Variants in MECOM observed in about 807,000 individuals in gnomAD.
MECOM encodes histone-lysine N-methyltransferase MECOM.
Under a neutral mutation model 116.3 loss-of-function variants are expected in MECOM, and 13 were observed. The observed-to-expected ratio is 0.11, with a 90% CI of 0.07 to 0.18. MECOM has a LOEUF of 0.18. MECOM is among the 10% of genes least tolerant of loss of function. The pLI is 1.00. For missense variants in MECOM, 1,299 were observed against 1,509.0 expected (o/e 0.86, Z 2.31); for synonymous variants, 528 against 535.2 (o/e 0.99, Z 0.19).
At chr3:169,509,833 T>A (rs1755739828) in intron 1 of MECOM, among the ~76,000 whole-genome samples, 2 of 152,210 alleles carry the variant, frequency 1.3e-5, no homozygotes, top group African/African-American at 4.8e-5. Context: ...GTGTAGAGTA[T>A]CCGTTTGAGT....
At chr3:169,355,834 T>G (rs563472245) in intron 2 of MECOM, among the ~76,000 whole-genome samples, 1 of 149,290 alleles carries the variant, frequency 6.7e-6, no homozygotes, top group African/African-American at 2.5e-5. Flanking sequence ...AATATCATCT[T>G]TTTTTTTTCC....
At position 169,318,456 on chromosome 3, in the gene MECOM, A is replaced by C. The variant is rs560826356; in HGVS notation, c.375+62731T>G. On this transcript the variant is annotated intron_variant, in intron 2 of 16. Transcript: ENST00000651503. ...AACAACCCCATCAAAAAGTGGGTGAAGGATATGAACAGACACTTCTCAAAA... is the reference window on the plus strand; with the variant it reads ...AACAACCCCATCAAAAAGTGGGTGACGGATATGAACAGACACTTCTCAAAA... Among the ~76,000 whole-genome samples, 18 of 152,340 alleles carry C rather than the reference A, an allele frequency of 1.2e-4. No individual in the cohort carries two copies. The South Asian group carries it at 3.7e-3, about 32-fold the overall frequency.
At chr3:169,587,964 A>C (rs951192990) in intron 1 of MECOM, among the ~76,000 whole-genome samples, 1 of 152,156 alleles carries the variant, frequency 6.6e-6, no homozygotes, top group Non-Finnish European at 1.5e-5. Flanking sequence ...ATATGCATAA[A>C]CTCCATACAG....
intron 2 of MECOM, among the ~76,000 whole-genome samples, chr3:169,374,189 C>A (rs1730631194): frequency 6.6e-6 from 1 of 151,716 alleles, no homozygotes; most frequent in African/African-American, 2.4e-5. Flanking sequence ...TGCTTATGCA[C>A]ACCAAAGAAA....
At chr3:169,420,444 G>T (rs376178374) in intron 1 of MECOM, among the ~76,000 whole-genome samples, 5 of 152,098 alleles carry the variant, frequency 3.3e-5, no homozygotes, top group East Asian at 1.9e-4. Context: ...AAGAACCCAT[G>T]GATCTGAAAT....
At chr3:169,172,407 A>ATATG (rs1744563953) in intron 2 of MECOM, among the ~76,000 whole-genome samples, 1 of 144,374 alleles carries the variant, frequency 6.9e-6, no homozygotes, top group Admixed American at 7.0e-5. Flanking sequence ...GTACCCTTGT[A>ATATG]TGTGTGTGTG....
intron 2 of MECOM, among the ~76,000 whole-genome samples, chr3:169,231,811 G>A (rs1040485001): frequency 2.0e-5 from 3 of 151,928 alleles, no homozygotes; most frequent in African/African-American, 7.3e-5. Flanking sequence ...CTTAAAGCAA[G>A]TTCTCAAGAT....
In MECOM at chr3:169,145,143, A is replaced by AACACACAC. The variant is rs67598122; in HGVS notation, c.376-1319_376-1312dup. The AACACACAC allele has an allele frequency of 2.9e-5, 15 of 513,164 alleles. No individual in the cohort carries two copies. In the African/African-American group the frequency reaches 3.0e-4, roughly 10 times the overall value. 31.8% of individuals were successfully genotyped at this position (513,164 alleles called of 1,614,324 possible). A position where few individuals can be genotyped will look rare whatever the true frequency, so the allele number is the denominator to read the frequency against. ...CGAACATAAGATAGGGATATTATTA[A>AACACACAC]ACACACACACACACACACACACACA... On this transcript the variant is annotated intron_variant, in intron 2 of 16. Coordinates refer to ENST00000651503, the MANE Select transcript of MECOM (RefSeq NM_004991.4).
At chr3:169,160,550 T>C (rs1467425818) in intron 2 of MECOM, among the ~76,000 whole-genome samples, 1 of 148,208 alleles carries the variant, frequency 6.7e-6, no homozygotes, top group Non-Finnish European at 1.5e-5. Context: ...AAATATATAT[T>C]ATATATTTAA....
chr3:169,500,880 T>C (rs1427298129), intron 1 of MECOM, among the ~76,000 whole-genome samples: 3 of 151,984 alleles, frequency 2.0e-5, no homozygotes, highest in Non-Finnish European at 4.4e-5. Flanking sequence ...CACTGATACA[T>C]TGACACAGTT....
chr3:169,418,154 A>G (rs1168104932), intron 1 of MECOM, among the ~76,000 whole-genome samples: 2 of 152,130 alleles, frequency 1.3e-5, no homozygotes, highest in East Asian at 3.9e-4. Context: ...TCTAGAAGAA[A>G]TGGATAAGTT....
intron 12 of MECOM, among the ~76,000 whole-genome samples, chr3:169,100,124 A>G (rs1723082954): frequency 2.0e-5 from 2 of 98,556 alleles, no homozygotes; most frequent in Admixed American, 1.5e-4. Flanking sequence ...TTTTTGACAG[A>G]GTCTCACTCT....
chr3:169,435,270 T>G (rs1324018299), intron 1 of MECOM, among the ~76,000 whole-genome samples: 4 of 152,298 alleles, frequency 2.6e-5, no homozygotes, highest in South Asian at 2.1e-4. Context: ...TAATTTTTAT[T>G]AACAGGGAAA....
intron 2 of MECOM, among the ~76,000 whole-genome samples, chr3:169,360,241 C>T (rs1475888739): frequency 2.7e-5 from 4 of 147,052 alleles, no homozygotes; most frequent in Non-Finnish European, 4.5e-5. Flanking sequence ...TTCTGGCACT[C>T]CCTAGTGAGA....
chr3:169,363,591 G>C (rs528082432), intron 2 of MECOM, among the ~76,000 whole-genome samples: 4 of 151,958 alleles, frequency 2.6e-5, no homozygotes, highest in African/African-American at 9.6e-5. Flanking sequence ...TTAATAGACT[G>C]CTGGCTCTCT....
rs1183018878 is a variant in MECOM at position 169,472,518 on chromosome 3, G to GAAAGAAAAGA, written c.38-91004_38-90995dup. ...GAAAGGAAAGGAAAGGAAAGGAAAG[G>GAAAGAAAAGA]AAAGAAAAGAAAAGAAAAGGAAAGG... On this transcript the variant is annotated intron_variant, in intron 1 of 16. Coordinates refer to ENST00000651503, the MANE Select transcript of MECOM (RefSeq NM_004991.4). Among the ~76,000 whole-genome samples the GAAAGAAAAGA allele has an allele frequency of 6.0e-3, 421 of 70,086 alleles. 48 individuals are homozygous for GAAAGAAAAGA. The highest frequency in any genetic ancestry group is 8.5e-3 in the Non-Finnish European group (330 of 38,678). The allele number at this position is 70,086 out of a possible 152,430, so 46.0% of individuals were successfully genotyped here.
In MECOM at chr3:169,565,523, C is replaced by T. The variant is rs930877547; in HGVS notation, c.37+97813G>A. On this transcript the variant is annotated intron_variant, in intron 1 of 16. Coordinates refer to ENST00000651503, the MANE Select transcript of MECOM (RefSeq NM_004991.4). Reference sequence around the variant, plus strand: ...CTTGGCTGGACCTAAGGCTGCTTATCCTTCACCTCACTTTTCAAGGGAGCT... The same window carrying T: ...CTTGGCTGGACCTAAGGCTGCTTATTCTTCACCTCACTTTTCAAGGGAGCT... Among the ~76,000 whole-genome samples, 27 of 152,316 alleles carry T rather than the reference C, an allele frequency of 1.8e-4. 1 individual carries two copies. In the Middle Eastern group the frequency reaches 0.01, roughly 58 times the overall value.
In MECOM at chr3:169,217,104, G is replaced by C. The variant is rs535390768; in HGVS notation, c.376-73272C>G. On this transcript the variant is annotated intron_variant, in intron 2 of 16. Coordinates refer to ENST00000651503, the MANE Select transcript of MECOM (RefSeq NM_004991.4). ...CAGGAGGGTGGATGATCCGCAGATA[G>C]CCAGAGCCATATATTTAGAAGATGA... Among the ~76,000 whole-genome samples, 10 of 152,260 alleles carry C rather than the reference G, an allele frequency of 6.6e-5. 1 individual carries two copies. Among genetic ancestry groups the C allele is most frequent in the African/African-American group, 2.4e-4 (10 of 41,544 alleles).
chr3:169,200,630 A>C (rs1749021204), intron 2 of MECOM, among the ~76,000 whole-genome samples: 1 of 152,084 alleles, frequency 6.6e-6, no homozygotes, highest in South Asian at 2.1e-4. Context: ...GTCTAGGCAA[A>C]ATGTAGAGCA....
Sources: gnomAD v4.1 joint callset for allele counts (sites outside exome capture counted in the v4.1 genomes callset) on GRCh38, gnomAD v4.1.1 for gene constraint, MANE v1.5 for transcripts, NCBI Gene and HGNC (gene_info 2026-07-23, HGNC 2026-07-21) for gene names.